The following WASHC2A variants were observed in gnomAD, a reference collection of about 807,000 sequenced individuals.
The protein encoded by WASHC2A is WASH complex subunit FAM21A.
WASHC2A carries 82 observed loss-of-function variants against 140.3 expected under a neutral mutation model. The ratio of observed to expected loss-of-function variants is 0.58; its 90% CI spans 0.49 to 0.70. The LOEUF (loss-of-function observed/expected upper bound fraction) is 0.70. Ranked by LOEUF, WASHC2A falls within the 30% of genes least tolerant of loss-of-function variation. The probability of loss-of-function intolerance (pLI) is 0.00; values close to 1 mark genes in which losing one functional copy is unlikely to be tolerated. For missense variants in WASHC2A, 985 were observed against 1,521.8 expected (o/e 0.65, Z 5.87); for synonymous variants, 340 against 560.8 (o/e 0.61, Z 5.56).
At chr10:50,071,312 C>CTTT (rs1264804216) in intron 3 of WASHC2A, among the ~76,000 whole-genome samples, 14,850 of 130,770 alleles carry the variant, frequency 0.11, 980 homozygotes, top group Middle Eastern at 0.23. Flanking sequence ...TGGGAAGTTT[C>CTTT]TTTTTTTTTT....
At chr10:50,107,640 G>A (rs567362597) in intron 19 of WASHC2A, among the ~76,000 whole-genome samples, 7 of 152,104 alleles carry the variant, frequency 4.6e-5, no homozygotes, top group South Asian at 2.1e-4. Flanking sequence ...AAGCTTATGC[G>A]GCCGGGCGTG....
At chr10:50,078,376 T>A (rs1317524052) in intron 3 of WASHC2A, among the ~76,000 whole-genome samples, 1 of 152,230 alleles carries the variant, frequency 6.6e-6, no homozygotes, top group Non-Finnish European at 1.5e-5. Flanking sequence ...TGAAAAGGTG[T>A]GAAAACTGAT....
chr10:50,126,728 G>A (rs1348347561), intron 26 of WASHC2A, among the ~76,000 whole-genome samples: 6 of 151,546 alleles, frequency 4.0e-5, no homozygotes, highest in African/African-American at 1.5e-4. Context: ...TAAACCTGAG[G>A]CACTTGGACG....
chr10:50,100,145 A>G (rs1422122108), intron 17 of WASHC2A, 81 bp downstream of exon 17: 24 of 1,397,408 alleles, frequency 1.7e-5, no homozygotes, highest in Middle Eastern at 5.2e-4. Context: ...GTTTTTCTCA[A>G]TAGAGTTATA....
chr10:50,131,686 A>G (rs1202483222), intron 30 of WASHC2A, among the ~76,000 whole-genome samples: 1 of 152,212 alleles, frequency 6.6e-6, no homozygotes, highest in Non-Finnish European at 1.5e-5. Context: ...CTGAGGCCAC[A>G]TACACATTTC....
chr10:50,106,016 G>T (rs1220214900), intron 18 of WASHC2A, among the ~76,000 whole-genome samples: 1 of 152,204 alleles, frequency 6.6e-6, no homozygotes, highest in Non-Finnish European at 1.5e-5. Context: ...CCTGAAATGA[G>T]CAGAGAGGCA....
chr10:50,118,030 G>A lies in WASHC2A; in HGVS notation c.2267G>A (p.Gly756Glu), dbSNP rs1554892490. 1.9e-6 allele frequency: 3 copies of A among 1,607,194 alleles called. No homozygotes were observed. Among genetic ancestry groups the A allele is most frequent in the Non-Finnish European group, 2.5e-6 (3 of 1,177,182 alleles). Reference sequence around the variant, plus strand: ...AGTGCCAAGGAGTCATTAAAATTTGGGAGAACTGATGTGGCTGAGTCAGAA... The same window carrying A: ...AGTGCCAAGGAGTCATTAAAATTTGAGAGAACTGATGTGGCTGAGTCAGAA... Reference protein sequence around the residue: ...VESAKESLKFGRTDVAESEKE... With the variant: ...VESAKESLKFERTDVAESEKE... Residue 756 changes from glycine (G) to glutamate (E), a missense_variant, in exon 22 of 31, where the codon GGG becomes GAG. Physicochemically the swap from Gly to Glu is moderately conservative, Grantham distance 98 (BLOSUM62 -2). Coordinates refer to ENST00000282633, the MANE Select transcript of WASHC2A (RefSeq NM_001005751.3).
intron 19 of WASHC2A, among the ~76,000 whole-genome samples, chr10:50,109,679 C>T (rs1424848583): frequency 6.6e-6 from 1 of 152,172 alleles, no homozygotes; most frequent in Non-Finnish European, 1.5e-5. Context: ...GACTGATGCA[C>T]TAAGTTTAAT....
At chr10:50,079,515 G>A (rs1239773410) in intron 4 of WASHC2A, among the ~76,000 whole-genome samples, 1 of 152,212 alleles carries the variant, frequency 6.6e-6, no homozygotes, top group Non-Finnish European at 1.5e-5. Flanking sequence ...TCCTGGCTCA[G>A]CTTCCCGAGT....
At chr10:50,130,244 T>C (rs1293047885) in intron 29 of WASHC2A, among the ~76,000 whole-genome samples, 4 of 150,594 alleles carry the variant, frequency 2.7e-5, no homozygotes, top group Non-Finnish European at 4.4e-5. Flanking sequence ...ATTGTATTTC[T>C]TGGCTGGCCA....
In WASHC2A at chr10:50,097,800, A is replaced by T; in HGVS notation, c.1546A>T (p.Lys516Ter). The T allele has an allele frequency of 6.2e-7, 1 of 1,609,526 alleles. No individual in the cohort carries two copies. Among genetic ancestry groups the T allele is most frequent in the South Asian group, 1.1e-5 (1 of 90,634 alleles). Residue 516 changes from lysine (K) to a stop codon, truncating the protein, a stop_gained and splice_region_variant, in exon 16 of 31, where the codon AAG becomes TAG. Coordinates refer to ENST00000282633, the MANE Select transcript of WASHC2A (RefSeq NM_001005751.3). LOFTEE classifies it high-confidence loss of function. ...TGAAAATAAAGCAAGAGCAGAAAAA[A>T]AGGTGAGCAGGAGGGAAGACTTAAC... ...TDENKARAEK[K>*]VTLSSSKNLK...
intron 17 of WASHC2A, 49 bp downstream of exon 17, chr10:50,100,113 A>C (rs782771065): frequency 0.1 from 149,467 of 1,451,572 alleles, 3,390 homozygotes; most frequent in Middle Eastern, 0.14. Context: ...TGGATATGAC[A>C]TAGAAACTAT....
chr10:50,103,325 C>T (rs548942644), intron 17 of WASHC2A, among the ~76,000 whole-genome samples: 110 of 151,456 alleles, frequency 7.3e-4, no homozygotes, highest in Non-Finnish European at 1.0e-3. Context: ...TTGTGGAAGC[C>T]GAGGCGGGCG....
At chr10:50,099,225 T>G (rs1840812850) in intron 16 of WASHC2A, among the ~76,000 whole-genome samples, 1 of 152,074 alleles carries the variant, frequency 6.6e-6, no homozygotes, top group Non-Finnish European at 1.5e-5. Flanking sequence ...GATCATGTAT[T>G]CATTCTTCAG....
At chr10:50,106,529 C>T in intron 19 of WASHC2A, 64 bp downstream of exon 19, 1 of 1,597,880 alleles carries the variant, frequency 6.3e-7, no homozygotes, top group Non-Finnish European at 8.5e-7. Flanking sequence ...TTAAAGCCAT[C>T]CCAAGTCTTT....
intron 4 of WASHC2A, among the ~76,000 whole-genome samples, chr10:50,079,805 GTAC>G (rs1838730146): frequency 6.6e-6 from 1 of 151,646 alleles, no homozygotes; most frequent in African/African-American, 2.4e-5. Context: ...GGTATTTAGT[GTAC>G]TATTTTTAAA....
intron 8 of WASHC2A, among the ~76,000 whole-genome samples, chr10:50,087,852 G>A (rs1457514434): frequency 2.0e-5 from 3 of 151,472 alleles, no homozygotes; most frequent in East Asian, 1.9e-4. Flanking sequence ...TTTTGCTCTT[G>A]TTGTCCAGGC....
At position 50,085,318 on chromosome 10, in the gene WASHC2A, C is replaced by T. The variant is rs1305790939; in HGVS notation, c.623-179C>T. Among the ~76,000 whole-genome samples the T allele has an allele frequency of 3.0e-5, 3 of 101,070 alleles. 1 individual carries two copies. Among genetic ancestry groups the T allele is most frequent in the Admixed American group, 2.9e-4 (3 of 10,302 alleles). The allele number at this position is 101,070 out of a possible 152,430, so 66.3% of individuals were successfully genotyped here. A position where few individuals can be genotyped will look rare whatever the true frequency, so the allele number is the denominator to read the frequency against. Reference sequence around the variant, plus strand: ...TGAATAATTTTTGGGGGGAGAGATACTTCAAGACTACATAAATATGTAATT... The same window carrying T: ...TGAATAATTTTTGGGGGGAGAGATATTTCAAGACTACATAAATATGTAATT... On this transcript the variant is annotated intron_variant, in intron 6 of 30. Transcript: ENST00000282633.
At chr10:50,095,399 T>A (rs1317527173) in intron 14 of WASHC2A, among the ~76,000 whole-genome samples, 192 bp downstream of exon 14, 1 of 152,208 alleles carries the variant, frequency 6.6e-6, no homozygotes, top group Non-Finnish European at 1.5e-5. Context: ...GGCCTTGGAC[T>A]TTTTTGTGTT....
Sources: allele counts gnomAD v4.1 joint callset (sites outside exome capture counted in the v4.1 genomes callset), GRCh38; gene constraint gnomAD v4.1.1; transcripts MANE v1.5; gene names NCBI Gene and HGNC (gene_info 2026-07-23, HGNC 2026-07-21).